ANK3: variants seen among roughly 807,000 people sequenced by gnomAD.
ANK3 encodes ankyrin-3.
A neutral mutation model predicts 370.9 loss-of-function variants in ANK3; 57 were observed. The ratio of observed to expected loss-of-function variants is 0.15; its 90% CI spans 0.12 to 0.19. The LOEUF (loss-of-function observed/expected upper bound fraction) is 0.19, where lower values mean the gene tolerates loss of function less well. Among genes scored for constraint, ANK3 ranks in the 10% least tolerant of loss-of-function variants. The pLI is 1.00. For missense variants in ANK3, 4,439 were observed against 5,302.1 expected (o/e 0.84, Z 5.06); for synonymous variants, 1,929 against 1,946.3 (o/e 0.99, Z 0.23).
intron 9 of ANK3, among the ~76,000 whole-genome samples, chr10:60,210,675 G>C (rs2096839018): frequency 6.6e-6 from 1 of 152,170 alleles, no homozygotes; most frequent in Admixed American, 6.5e-5. Flanking sequence ...GTAAAATCTA[G>C]AAGGGCACAC....
intron 2 of ANK3, among the ~76,000 whole-genome samples, chr10:60,476,469 G>C (rs1268443305): frequency 6.6e-6 from 1 of 152,110 alleles, no homozygotes; most frequent in Non-Finnish European, 1.5e-5. Flanking sequence ...CGAAAAGTAG[G>C]TAGAAACTAT....
intron 18 of ANK3, among the ~76,000 whole-genome samples, chr10:60,179,645 C>T (rs906310396): frequency 1.3e-5 from 2 of 149,400 alleles, no homozygotes; most frequent in African/African-American, 5.0e-5. Context: ...CAAGCCATTA[C>T]ATTCCAGCTT....
intron 16 of ANK3, among the ~76,000 whole-genome samples, chr10:60,194,007 G>A (rs1043053316): frequency 4.6e-5 from 7 of 151,262 alleles, no homozygotes; most frequent in Non-Finnish European, 4.4e-5. Context: ...TGTAATCCCA[G>A]CTACTTGGGA....
chr10:60,725,676 C>T (rs2079931151), intron 1 of ANK3, among the ~76,000 whole-genome samples: 1 of 152,066 alleles, frequency 6.6e-6, no homozygotes, highest in Non-Finnish European at 1.5e-5. Context: ...TGTTGTGAGA[C>T]ATGAATACAA....
intron 1 of ANK3, among the ~76,000 whole-genome samples, chr10:60,329,737 T>G (rs1339139095): frequency 6.6e-6 from 1 of 152,192 alleles, no homozygotes; most frequent in Non-Finnish European, 1.5e-5. Flanking sequence ...TTCAATGCTA[T>G]CCTCATCAAG....
At position 60,421,448 on chromosome 10, in the gene ANK3, A is replaced by G. The variant is rs1401996283; in HGVS notation, c.97-141809T>C. ...ACTCCATGTAAACTAGAGTGACACA[A>G]TGAGAGTGGGGAGGGGGCAGTTGCA... On this transcript the variant is annotated intron_variant, in intron 2 of 43. Transcript: ENST00000373827. 2.6e-5 allele frequency among the ~76,000 whole-genome samples: 4 copies of G among 152,048 alleles called. No individual in the cohort carries two copies. The East Asian group carries it at 5.8e-4, about 22-fold the overall frequency.
At chr10:60,065,010 G>C (rs905389196) in intron 38 of ANK3, among the ~76,000 whole-genome samples, 1 of 152,174 alleles carries the variant, frequency 6.6e-6, no homozygotes, top group African/African-American at 2.4e-5. Context: ...GATAGGGTTT[G>C]TGCTAAGCAA....
At chr10:60,671,508 T>C (rs539229977) in intron 1 of ANK3, among the ~76,000 whole-genome samples, 1 of 152,334 alleles carries the variant, frequency 6.6e-6, no homozygotes, top group African/African-American at 2.4e-5. Flanking sequence ...GTCATAGCAC[T>C]TTTTGCCTTT....
At chr10:60,670,968 T>C (rs1227457461) in intron 1 of ANK3, among the ~76,000 whole-genome samples, 1 of 152,168 alleles carries the variant, frequency 6.6e-6, no homozygotes, top group Non-Finnish European at 1.5e-5. Flanking sequence ...GAGGACACAA[T>C]GTAACTTTCA....
Position 60,075,182 on chromosome 10 carries a change from T to C in ANK3, c.5699A>G (p.Glu1900Gly). The C allele has an allele frequency of 6.2e-7, 1 of 1,614,132 alleles. No individual in the cohort carries two copies. Among genetic ancestry groups the C allele is most frequent in the Non-Finnish European group, 8.5e-7 (1 of 1,180,016 alleles). ...STPSSLSSSQ[E>G]ILKDVAEMKE... ...CATTTCAGCTACATCTTTTAGTATC[T>C]CCTGACTGGAAGATAAAGAAGATGG... The change falls in exon 37 of 44, where the codon GAG becomes GGG. Residue 1900 changes from glutamate to glycine, a missense_variant. This residue lies in a region of ANK3 where 679 missense variants were observed against 791.0 expected (regional missense o/e 0.86). Transcript: ENST00000280772.
chr10:60,082,781 C>T, intron 33 of ANK3, 44 bp from the exon 34 acceptor site: 1 of 1,592,136 alleles, frequency 6.3e-7, no homozygotes, highest in South Asian at 1.1e-5. Context: ...TGAGACTTAT[C>T]TGAGGATTTT....
intron 5 of ANK3, among the ~76,000 whole-genome samples, chr10:60,269,659 A>T (rs914873144): frequency 1.9e-5 from 1 of 51,318 alleles, no homozygotes; most frequent in Non-Finnish European, 3.7e-5. Context: ...CCCCCCCCCC[A>T]AAAAAAGTAC....
At chr10:60,549,194 G>C (rs1010963092) in intron 2 of ANK3, among the ~76,000 whole-genome samples, 67 of 150,372 alleles carry the variant, frequency 4.5e-4, no homozygotes, top group African/African-American at 1.6e-3. Flanking sequence ...TGTTGACCAG[G>C]GTGTACACAA....
intron 5 of ANK3, among the ~76,000 whole-genome samples, chr10:60,266,689 C>T (rs2097885257): frequency 1.3e-5 from 2 of 152,198 alleles, no homozygotes; most frequent in Admixed American, 1.3e-4. Context: ...ATTAAAGACA[C>T]AAAGATACCA....
At chr10:60,044,140 G>A in intron 42 of ANK3, 1 of 985,618 alleles carries the variant, frequency 1.0e-6, no homozygotes, top group Non-Finnish European at 1.2e-6. Context: ...TGATCTGTAG[G>A]AAGTAATGGT....
chr10:60,154,022 T>C (rs2095246112), intron 23 of ANK3, among the ~76,000 whole-genome samples: 1 of 152,190 alleles, frequency 6.6e-6, no homozygotes. Flanking sequence ...ACTAGGTTCT[T>C]GCGATAAAAC....
chr10:60,188,045 C>T (rs1405539635), intron 16 of ANK3, among the ~76,000 whole-genome samples: 1 of 152,174 alleles, frequency 6.6e-6, no homozygotes, highest in African/African-American at 2.4e-5. Context: ...CTGTCCCCTC[C>T]TACTAAATAT....
chr10:60,559,957 C>T (rs1010949962), intron 2 of ANK3, among the ~76,000 whole-genome samples: 2 of 151,984 alleles, frequency 1.3e-5, no homozygotes, highest in African/African-American at 4.8e-5. Context: ...GCAGGAGAAT[C>T]GCTTGAACCT....
intron 1 of ANK3, among the ~76,000 whole-genome samples, chr10:60,650,545 T>G (rs1198256403): frequency 6.6e-6 from 1 of 152,198 alleles, no homozygotes; most frequent in East Asian, 1.9e-4. Flanking sequence ...GACATTGGCA[T>G]GCATAGTTCT....
Sources: allele counts gnomAD v4.1 joint callset (sites outside exome capture counted in the v4.1 genomes callset), GRCh38; gene constraint gnomAD v4.1.1; regional missense constraint gnomAD v4.1.1; transcripts MANE v1.5; gene names NCBI Gene and HGNC (gene_info 2026-07-23, HGNC 2026-07-21).